SSBP1: variants seen among roughly 807,000 people sequenced by gnomAD.
SSBP1 encodes single-stranded DNA-binding protein, mitochondrial.
In SSBP1, 20 loss-of-function variants were observed where a neutral mutation model predicts 27.0. The ratio of observed to expected loss-of-function variants is 0.74; its 90% CI spans 0.52 to 1.08. The LOEUF (loss-of-function observed/expected upper bound fraction) is 1.08. SSBP1 is among the 50% of genes least tolerant of loss of function. The pLI is 0.00. For synonymous variants in SSBP1, 59 were observed against 59.3 expected (o/e 1.00, Z 0.02); for missense variants, 137 against 182.4 (o/e 0.75, Z 1.44).
In SSBP1 at chr7:141,743,602, C is replaced by G. The variant is rs1258391528; in HGVS notation, c.127C>G (p.Pro43Ala). ...CTTACTTGGGCGAGTGGGTCAGGAC[C>G]CTGTCTTGAGACAGGTGGAAGGAAA... ...VHLLGRVGQD[P>A]VLRQVEGKNP... The change falls in exon 4 of 7, where the codon CCT (proline) becomes GCT (alanine). Residue 43 changes from proline (P) to alanine (A), a missense_variant. Physicochemically the swap from Pro to Ala is conservative, Grantham distance 27 (BLOSUM62 -1). This residue lies in a region of SSBP1 where 95 missense variants were observed against 152.0 expected (regional missense o/e 0.62). Coordinates refer to ENST00000265304, the MANE Select transcript of SSBP1 (RefSeq NM_003143.3). 3 of 1,613,938 alleles carry G rather than the reference C, an allele frequency of 1.9e-6. No homozygotes were observed. The highest frequency in any genetic ancestry group is 1.3e-5 in the African/African-American group (1 of 74,872).
In SSBP1 at chr7:141,744,119, T is replaced by C. The variant is rs1584766386; in HGVS notation, c.314+130T>C. On this transcript the variant is annotated intron_variant, in intron 5 of 6. Coordinates refer to ENST00000265304, the MANE Select transcript of SSBP1 (RefSeq NM_003143.3). ...CTAATGACTGTATTAATTTAAGAGG[T>C]ATTTACTAAGTCCTTGATACTATAT... 2.1e-5 allele frequency: 16 copies of C among 760,276 alleles called. No homozygotes were observed. The East Asian group carries it at 4.1e-4, about 19-fold the overall frequency. The allele number at this position is 760,276 out of a possible 1,614,324, so 47.1% of individuals were successfully genotyped here. A position where few individuals can be genotyped will look rare whatever the true frequency, so the allele number is the denominator to read the frequency against.
intron 2 of SSBP1, chr7:141,740,031 C>G (rs558891574): frequency 9.2e-5 from 14 of 152,220 alleles, no homozygotes; most frequent in African/African-American, 3.4e-4. Context: ...TAATCCTTTC[C>G]TAATCTTCTC....
In SSBP1 at chr7:141,748,960, A is replaced by G. The variant is rs148483751; in HGVS notation, c.404-1351A>G. On this transcript the variant is annotated intron_variant, in intron 6 of 6. Transcript: ENST00000265304. ...TTTTGGAAGACTATGGTCATGAACAAATATTCAGTCCTTGGTGGATAATTT... is the reference window on the plus strand; with the variant it reads ...TTTTGGAAGACTATGGTCATGAACAGATATTCAGTCCTTGGTGGATAATTT... 4.4e-3 allele frequency among the ~76,000 whole-genome samples: 674 copies of G among 152,320 alleles called. 12 individuals carry two copies. The Middle Eastern group carries it at 0.058, about 13-fold the overall frequency.
chr7:141,739,566 G>C (rs1799435308), intron 2 of SSBP1: 3 of 171,254 alleles, frequency 1.8e-5, no homozygotes, highest in African/African-American at 7.1e-5. Flanking sequence ...GTTGCTAAAC[G>C]TTCCTCTTCC....
chr7:141,750,374 G>A lies in SSBP1; in HGVS notation c.*20G>A. 1.9e-6 allele frequency: 3 copies of A among 1,588,324 alleles called. No individual in the cohort carries two copies. Among genetic ancestry groups the A allele is most frequent in the Non-Finnish European group, 2.6e-6 (3 of 1,169,356 alleles). On this transcript the variant is annotated 3_prime_UTR_variant, in exon 7 of 7. Transcript: ENST00000265304. ...GAGTAGAAAGGATGATTCTTCTTTG[G>A]CCATCATTTGGTACAGTCTCATTTC... is the stretch of plus-strand genomic sequence containing the variant.
intron 6 of SSBP1, chr7:141,745,788 T>TAAA: frequency 7.6e-7 from 1 of 1,311,748 alleles, no homozygotes; most frequent in Non-Finnish European, 9.7e-7. Context: ...TTTTTATACT[T>TAAA]ACAGTTTTAG....
At chr7:141,748,250 C>A (rs190517579) in intron 6 of SSBP1, among the ~76,000 whole-genome samples, 25 of 151,992 alleles carry the variant, frequency 1.6e-4, no homozygotes, top group African/African-American at 6.0e-4. Context: ...ATGTAACTAC[C>A]GTGCTATTAT....
At chr7:141,743,040 A>C (rs927481430) in intron 3 of SSBP1, among the ~76,000 whole-genome samples, 1 of 152,090 alleles carries the variant, frequency 6.6e-6, no homozygotes, top group Non-Finnish European at 1.5e-5. Flanking sequence ...ATTTTAGTAG[A>C]GATGGGGTTT....
chr7:141,743,481 A>G, intron 3 of SSBP1, 80 bp from the exon 4 acceptor site: 1 of 1,528,752 alleles, frequency 6.5e-7, no homozygotes, highest in South Asian at 1.2e-5. Context: ...TAGAGCTTCA[A>G]CATACAAATT....
chr7:141,748,591 T>C (rs1799865453), intron 6 of SSBP1, among the ~76,000 whole-genome samples: 2 of 152,160 alleles, frequency 1.3e-5, no homozygotes, highest in African/African-American at 4.8e-5. Context: ...GGGCAAACTT[T>C]AGATTGTTCG....
At chr7:141,744,450 T>G (rs545227277) in intron 5 of SSBP1, among the ~76,000 whole-genome samples, 1 of 152,194 alleles carries the variant, frequency 6.6e-6, no homozygotes, top group Non-Finnish European at 1.5e-5. Context: ...GTGGCAGTTA[T>G]TTTATATTTG....
intron 6 of SSBP1, among the ~76,000 whole-genome samples, chr7:141,749,461 A>G (rs1465773917): frequency 6.6e-6 from 1 of 152,242 alleles, no homozygotes; most frequent in Non-Finnish European, 1.5e-5. Flanking sequence ...ATGTTGATTC[A>G]TAAAATGTTC....
At chr7:141,740,007 T>G (rs1029318829) in intron 2 of SSBP1, 6 of 152,226 alleles carry the variant, frequency 3.9e-5, no homozygotes, top group Non-Finnish European at 7.3e-5. Context: ...ATTTAAAAAA[T>G]TATCCAAGTT....
chr7:141,743,586 G>A lies in SSBP1; in HGVS notation c.111G>A (p.Gly37=). The change falls in exon 4 of 7, where the codon GGG becomes GGA. Residue 37 remains glycine, a synonymous_variant. Transcript: ENST00000265304. ...ERSLNRVHLL[G]RVGQDPVLRQ... ...CCCTGAATCGTGTGCACTTACTTGG[G>A]CGAGTGGGTCAGGACCCTGTCTTGA... 1 of 1,614,152 alleles carries A rather than the reference G, an allele frequency of 6.2e-7. No individual in the cohort carries two copies.
At chr7:141,742,145 T>C (rs770412280) in intron 2 of SSBP1, 24 bp from the exon 3 acceptor site, 3 of 1,560,222 alleles carry the variant, frequency 1.9e-6, no homozygotes, top group Admixed American at 3.4e-5. Context: ...ATTAAAGCCA[T>C]GTTATTCATT....
chr7:141,749,808 G>A (rs1003113500), intron 6 of SSBP1, among the ~76,000 whole-genome samples: 1 of 152,124 alleles, frequency 6.6e-6, no homozygotes, highest in African/African-American at 2.4e-5. Context: ...ATTCTGTATT[G>A]TAATTTAAAA....
chr7:141,739,067 G>A lies in SSBP1; in HGVS notation c.-43-57G>A. The A allele has an allele frequency of 4.9e-6, 5 of 1,028,826 alleles. No homozygotes were observed. In the South Asian group the frequency reaches 6.6e-5, roughly 14 times the overall value. 63.7% of individuals were successfully genotyped at this position (1,028,826 alleles called of 1,614,324 possible). On this transcript the variant is annotated intron_variant, in intron 1 of 6. Coordinates refer to ENST00000265304, the MANE Select transcript of SSBP1 (RefSeq NM_003143.3). ...ATAGTTAGGAATTTAGGACTGGTGA[G>A]TTGTACTTTTGCCATAAGAGGTAAT...
chr7:141,747,651 G>A (rs972498794), intron 6 of SSBP1, among the ~76,000 whole-genome samples: 15 of 151,446 alleles, frequency 9.9e-5, no homozygotes, highest in African/African-American at 3.1e-4. Flanking sequence ...GCCTCCCAAA[G>A]TGCTGGGATT....
intron 3 of SSBP1, among the ~76,000 whole-genome samples, chr7:141,743,310 C>G (rs181846280): frequency 6.6e-6 from 1 of 152,314 alleles, no homozygotes; most frequent in East Asian, 1.9e-4. Context: ...GGGCTGTCTT[C>G]CTGGCTTGCA....
Sources: gnomAD v4.1 joint callset for allele counts (sites outside exome capture counted in the v4.1 genomes callset) on GRCh38, gnomAD v4.1.1 for gene constraint, gnomAD v4.1.1 regional missense constraint, MANE v1.5 for transcripts, NCBI Gene and HGNC (gene_info 2026-07-23, HGNC 2026-07-21) for gene names.